XPO6: variants seen among roughly 807,000 people sequenced by gnomAD.
The protein encoded by XPO6 is exportin-6.
XPO6 carries 3 observed loss-of-function variants against 130.0 expected under a neutral mutation model. That is an observed-to-expected ratio of 0.02 (90% CI 0.01 to 0.06). XPO6 has a LOEUF of 0.06. Ranked by LOEUF, XPO6 falls within the 10% of genes least tolerant of loss-of-function variation. The probability of loss-of-function intolerance (pLI) is 1.00; values close to 1 mark genes in which losing one functional copy is unlikely to be tolerated. For synonymous variants in XPO6, 524 were observed against 548.9 expected (o/e 0.95, Z 0.63); for missense variants, 970 against 1,393.0 (o/e 0.70, Z 4.83).
chr16:28,142,677 C>A lies in XPO6; in HGVS notation c.1334+3417G>T, dbSNP rs558829052. On this transcript the variant is annotated intron_variant, in intron 9 of 23. Transcript: ENST00000304658. ...CCTCCAACTCCTGGGCTTAAGCAGT[C>A]CTCCTGCTTCAGCCTCCTGAGTAGC... Among the ~76,000 whole-genome samples the A allele has an allele frequency of 1.3e-4, 20 of 152,202 alleles. No homozygotes were observed. The South Asian group carries it at 3.9e-3, about 30-fold the overall frequency.
At chr16:28,204,607 G>A (rs553007620) in intron 1 of XPO6, among the ~76,000 whole-genome samples, 29 of 152,244 alleles carry the variant, frequency 1.9e-4, no homozygotes, top group Middle Eastern at 6.8e-3. Flanking sequence ...CTGGAGACTC[G>A]AGAACTGGAG....
At chr16:28,181,245 C>G in intron 1 of XPO6, 1 of 464,186 alleles carries the variant, frequency 2.2e-6, no homozygotes, top group Non-Finnish European at 3.8e-6. Flanking sequence ...TCTATAAATT[C>G]ATGCTACTGT....
chr16:28,139,475 AG>A, intron 9 of XPO6, among the ~76,000 whole-genome samples: 1 of 152,262 alleles, frequency 6.6e-6, no homozygotes. Context: ...AGGAAGGAAA[AG>A]CAAGAGAAAT....
chr16:28,146,448 T>C, intron 8 of XPO6: 1 of 376,246 alleles, frequency 2.7e-6, no homozygotes, highest in Non-Finnish European at 4.8e-6. Flanking sequence ...AACTGAGTTA[T>C]AAAATAAGTC....
At chr16:28,141,443 G>A (rs962808843) in intron 9 of XPO6, among the ~76,000 whole-genome samples, 1 of 152,160 alleles carries the variant, frequency 6.6e-6, no homozygotes, top group Non-Finnish European at 1.5e-5. Flanking sequence ...TGTCAGCCAA[G>A]GCACTTTACG....
At chr16:28,167,725 G>T (rs2043379617) in intron 5 of XPO6, among the ~76,000 whole-genome samples, 1 of 152,210 alleles carries the variant, frequency 6.6e-6, no homozygotes, top group African/African-American at 2.4e-5. Context: ...AACATAAGGT[G>T]ATCACAAAGG....
intron 14 of XPO6, among the ~76,000 whole-genome samples, chr16:28,118,328 A>G (rs1596809461): frequency 6.6e-6 from 1 of 152,064 alleles, no homozygotes; most frequent in East Asian, 1.9e-4. Context: ...CCCTCCTCTC[A>G]TCCTTATTTT....
In XPO6 at chr16:28,163,278, T is replaced by C. The variant is rs115475340; in HGVS notation, c.643+3230A>G. On this transcript the variant is annotated intron_variant, in intron 6 of 23. Transcript: ENST00000304658. ...ACATGAAAAGATTTGCATGAAGATA[T>C]GCAATCTGTTAAGAGTTTGGGAGGA... is the stretch of plus-strand genomic sequence containing the variant. Among the ~76,000 whole-genome samples, 360 of 152,366 alleles carry C rather than the reference T, an allele frequency of 2.4e-3. 3 individuals carry two copies. Among genetic ancestry groups the C allele is most frequent in the African/African-American group, 8.4e-3 (348 of 41,586 alleles).
chr16:28,210,924 A>G (rs1341715730), intron 1 of XPO6, among the ~76,000 whole-genome samples: 1 of 152,202 alleles, frequency 6.6e-6, no homozygotes, highest in Non-Finnish European at 1.5e-5. Flanking sequence ...CTAGGTTCAA[A>G]TCTTAACACT....
At chr16:28,134,958 G>A (rs151182537) in intron 10 of XPO6, among the ~76,000 whole-genome samples, 9 of 152,102 alleles carry the variant, frequency 5.9e-5, no homozygotes, top group Admixed American at 6.5e-5. Flanking sequence ...TCACTAAACC[G>A]TTTTTCATTG....
At chr16:28,115,108 T>A (rs1486414334) in intron 15 of XPO6, among the ~76,000 whole-genome samples, 1 of 152,236 alleles carries the variant, frequency 6.6e-6, no homozygotes, top group African/African-American at 2.4e-5. Flanking sequence ...TCTATGAGGC[T>A]GGGAACCAAC....
In XPO6 at chr16:28,200,792, G is replaced by A. The variant is rs192799592; in HGVS notation, c.3+10574C>T. 8.5e-5 allele frequency among the ~76,000 whole-genome samples: 13 copies of A among 152,158 alleles called. No homozygotes were observed. In the East Asian group the frequency reaches 1.3e-3, roughly 16 times the overall value. On this transcript the variant is annotated intron_variant, in intron 1 of 23. Transcript: ENST00000304658. ...AGCATTACCCACCCTGGGCCTCAGC[G>A]TCCTTATCTTCCTCAACTATAAAAT...
At chr16:28,110,070 T>C (rs2086881276) in intron 17 of XPO6, among the ~76,000 whole-genome samples, 1 of 151,926 alleles carries the variant, frequency 6.6e-6, no homozygotes, top group Non-Finnish European at 1.5e-5. Context: ...AAGTATAAAG[T>C]TGAGATAAGA....
intron 15 of XPO6, among the ~76,000 whole-genome samples, chr16:28,114,521 A>G (rs1272476264): frequency 3.9e-5 from 6 of 152,258 alleles, no homozygotes; most frequent in Non-Finnish European, 4.4e-5. Flanking sequence ...CATTATGTCT[A>G]AGAAAACAAT....
At chr16:28,113,884 GTTATAA>G (rs766231448) in intron 15 of XPO6, among the ~76,000 whole-genome samples, 48 of 152,124 alleles carry the variant, frequency 3.2e-4, no homozygotes, top group Middle Eastern at 3.4e-3. Flanking sequence ...TATTTTCAAA[GTTATAA>G]TTATAAATAC....
At chr16:28,157,670 G>A (rs1486188110) in intron 6 of XPO6, among the ~76,000 whole-genome samples, 1 of 152,134 alleles carries the variant, frequency 6.6e-6, no homozygotes, top group Non-Finnish European at 1.5e-5. Context: ...ACAATTTTCA[G>A]AGAAAGAAAC....
At chr16:28,124,208 T>C (rs541989535) in intron 13 of XPO6, among the ~76,000 whole-genome samples, 1 of 152,094 alleles carries the variant, frequency 6.6e-6, no homozygotes, top group Non-Finnish European at 1.5e-5. Context: ...CAGGCGCATG[T>C]CCCCACGCCC....
intron 17 of XPO6, chr16:28,111,339 A>G (rs2086915155): frequency 6.6e-6 from 1 of 152,380 alleles, no homozygotes; most frequent in African/African-American, 2.4e-5. Flanking sequence ...GCAAACTTCA[A>G]GTGCCATTTT....
chr16:28,174,420 C>G (rs758296422), intron 4 of XPO6, among the ~76,000 whole-genome samples: 1 of 152,116 alleles, frequency 6.6e-6, no homozygotes, highest in Non-Finnish European at 1.5e-5. Flanking sequence ...CAAGTGTGTA[C>G]CTGTTTATTG....
Sources: gnomAD v4.1 joint callset for allele counts (sites outside exome capture counted in the v4.1 genomes callset) on GRCh38, gnomAD v4.1.1 for gene constraint, MANE v1.5 for transcripts, NCBI Gene and HGNC (gene_info 2026-07-23, HGNC 2026-07-21) for gene names.